Variants in TFCP2L1 observed in about 807,000 individuals in gnomAD.
TFCP2L1 encodes the protein transcription factor CP2-like protein 1.
TFCP2L1 carries 12 observed loss-of-function variants against 72.2 expected under a neutral mutation model. The ratio of observed to expected loss-of-function variants is 0.17; its 90% confidence interval spans 0.11 to 0.27. TFCP2L1 has a LOEUF of 0.27. Among genes scored for constraint, TFCP2L1 ranks in the 10% least tolerant of loss-of-function variants. TFCP2L1 has a pLI of 1.00. For missense variants in TFCP2L1, 488 were observed against 624.6 expected, an observed-to-expected ratio of 0.78 and a Z score of 2.33; for synonymous variants, 260 against 251.0, an observed-to-expected ratio of 1.04 and a Z score of -0.34.
intron 7 of TFCP2L1, chr2:121,240,830 G>A: frequency 6.2e-6 from 5 of 810,642 alleles, no homozygotes; most frequent in Non-Finnish European, 7.5e-6. Context: ...TCCTTTGCGG[G>A]CCGTGGGGGA....
At chr2:121,251,658 T>C (rs1273066829) in intron 2 of TFCP2L1, among the ~76,000 whole-genome samples, 1 of 152,140 alleles carries the variant, frequency 6.6e-6, no homozygotes, top group African/African-American at 2.4e-5. Flanking sequence ...TTCTAGAAAA[T>C]TGCTGACAGG....
intron 13 of TFCP2L1, among the ~76,000 whole-genome samples, chr2:121,228,904 G>C (rs1367470867): frequency 1.3e-5 from 2 of 149,990 alleles, no homozygotes; most frequent in Admixed American, 1.3e-4. Context: ...CGTGTTTGCT[G>C]CATGTTTTAA....
chr2:121,280,280 C>T (rs1687229439), intron 2 of TFCP2L1, among the ~76,000 whole-genome samples: 2 of 151,816 alleles, frequency 1.3e-5, no homozygotes, highest in African/African-American at 4.8e-5. Flanking sequence ...TCCCTCAGGA[C>T]ATGGTGAGGG....
chr2:121,264,629 G>A lies in TFCP2L1; in HGVS notation c.215-14982C>T, dbSNP rs1686893501. Among the ~76,000 whole-genome samples, 3 of 152,330 alleles carry A rather than the reference G, an allele frequency of 2.0e-5. No homozygotes were observed. In the South Asian group the frequency reaches 6.2e-4, roughly 32 times the overall value. On this transcript the variant is annotated intron_variant, in intron 2 of 14. Coordinates refer to ENST00000263707, the MANE Select transcript of TFCP2L1 (RefSeq NM_014553.3). ...GCTATCTGGCCACCAGGGCAGGGAT[G>A]CTGGTGGGCAGAGCTTGCAGAAGGC... is the stretch of plus-strand genomic sequence containing the variant.
intron 4 of TFCP2L1, among the ~76,000 whole-genome samples, chr2:121,248,655 C>T (rs1686539634): frequency 6.6e-6 from 1 of 152,164 alleles, no homozygotes; most frequent in Admixed American, 6.5e-5. Context: ...ATTCCATTTC[C>T]ATTGCCCATC....
chr2:121,261,316 G>A (rs997855717), intron 2 of TFCP2L1, among the ~76,000 whole-genome samples: 1 of 152,128 alleles, frequency 6.6e-6, no homozygotes, highest in Non-Finnish European at 1.5e-5. Context: ...GTTACTGGGG[G>A]CTCCTTAGAG....
chr2:121,237,484 C>T lies in TFCP2L1; in HGVS notation c.1003+139G>A, dbSNP rs115550202. On this transcript the variant is annotated intron_variant, in intron 10 of 14. Transcript: ENST00000263707. The stretch of plus-strand genomic sequence containing the variant: ...TTGGCCCAGGGTTGGGGCACGTGAG[C>T]GAGCGAACCCACACTATCTCGGGTC... The T allele has an allele frequency of 4.7e-4, 442 of 948,818 alleles. No homozygotes were observed. In the African/African-American group the frequency reaches 6.5e-3, roughly 14 times the overall value. 58.8% of individuals were successfully genotyped at this position (948,818 alleles called of 1,614,324 possible).
chr2:121,224,042 AG>A lies in TFCP2L1; in HGVS notation c.*298del. Reference sequence around the variant, plus strand: ...ACTAAGGGATGAGGGATTTCAGAGCAGACGTCTCCACTGTTTGCCCTTTTAG... The same window carrying A: ...ACTAAGGGATGAGGGATTTCAGAGCAACGTCTCCACTGTTTGCCCTTTTAG... On this transcript the variant is annotated 3_prime_UTR_variant, in exon 15 of 15. Transcript: ENST00000263707. 1 of 444,824 alleles carries A rather than the reference AG, an allele frequency of 2.2e-6. No homozygotes were observed. Among genetic ancestry groups the A allele is most frequent in the South Asian group, 3.0e-5 (1 of 32,904 alleles). 27.6% of individuals were successfully genotyped at this position (444,824 alleles called of 1,614,324 possible).
chr2:121,284,808 A>T (rs1180292747), intron 1 of TFCP2L1, among the ~76,000 whole-genome samples: 1 of 152,112 alleles, frequency 6.6e-6, no homozygotes, highest in Admixed American at 6.5e-5. Context: ...GAGCCCTCGC[A>T]GACATAGGGC....
At chr2:121,261,465 G>T (rs545528313) in intron 2 of TFCP2L1, among the ~76,000 whole-genome samples, 1 of 152,114 alleles carries the variant, frequency 6.6e-6, no homozygotes, top group Non-Finnish European at 1.5e-5. Flanking sequence ...AGGAGCTCTC[G>T]ATGGCCACAG....
chr2:121,226,287 T>C (rs1345947327), intron 13 of TFCP2L1, among the ~76,000 whole-genome samples: 5 of 150,852 alleles, frequency 3.3e-5, no homozygotes, highest in African/African-American at 1.2e-4. Flanking sequence ...AACAGAAACC[T>C]GAACATAACC....
intron 1 of TFCP2L1, among the ~76,000 whole-genome samples, 194 bp from the exon 2 acceptor site, chr2:121,281,465 G>A (rs764359578): frequency 5.3e-5 from 8 of 152,040 alleles, no homozygotes; most frequent in African/African-American, 1.2e-4. Flanking sequence ...CCGCTCCTTC[G>A]TGACTCTAGT....
chr2:121,234,361 G>A (rs1479759239), intron 11 of TFCP2L1, 167 bp from the exon 12 acceptor site: 3 of 623,570 alleles, frequency 4.8e-6, no homozygotes, highest in South Asian at 1.9e-5. Flanking sequence ...CCCAGGTCCC[G>A]CAGCCTGCCA....
At chr2:121,230,530 C>T (rs1012793268) in intron 13 of TFCP2L1, among the ~76,000 whole-genome samples, 2 of 152,116 alleles carry the variant, frequency 1.3e-5, no homozygotes, top group African/African-American at 4.8e-5. Flanking sequence ...CCTGTAATCC[C>T]AGCACTTTGG....
rs936889948 is a variant in TFCP2L1 at position 121,284,813 on chromosome 2, T to C, written c.62+235A>G. On this transcript the variant is annotated intron_variant, in intron 1 of 14. Coordinates refer to ENST00000263707, the MANE Select transcript of TFCP2L1 (RefSeq NM_014553.3). Reference sequence around the variant, plus strand: ...CGCCTGGGAGGAGCCCTCGCAGACATAGGGCTCTGCGCGCTCGCCTCCCCA... The same window carrying C: ...CGCCTGGGAGGAGCCCTCGCAGACACAGGGCTCTGCGCGCTCGCCTCCCCA... 2.6e-5 allele frequency among the ~76,000 whole-genome samples: 4 copies of C among 152,144 alleles called. No homozygotes were observed. In the East Asian group the frequency reaches 5.8e-4, roughly 22 times the overall value.
intron 2 of TFCP2L1, among the ~76,000 whole-genome samples, chr2:121,255,676 T>G (rs1686700633): frequency 6.6e-6 from 1 of 152,084 alleles, no homozygotes; most frequent in African/African-American, 2.4e-5. Flanking sequence ...ACCCAATGTT[T>G]CGTTCTTGCA....
chr2:121,284,971 C>T, intron 1 of TFCP2L1, 77 bp downstream of exon 1: 1 of 1,305,532 alleles, frequency 7.7e-7, no homozygotes, highest in South Asian at 1.7e-5. Flanking sequence ...GGCGCCCCCT[C>T]TCCGCCCCTG....
chr2:121,238,863 G>A (rs375479635), intron 8 of TFCP2L1, among the ~76,000 whole-genome samples: 4 of 152,020 alleles, frequency 2.6e-5, no homozygotes, highest in Admixed American at 6.6e-5. Flanking sequence ...AGACAATCTC[G>A]CTTTCTTATT....
At chr2:121,284,997 C>T in intron 1 of TFCP2L1, 51 bp downstream of exon 1, 1 of 1,426,482 alleles carries the variant, frequency 7.0e-7, no homozygotes, top group Non-Finnish European at 9.2e-7. Flanking sequence ...CCAACGGCGC[C>T]CGGCCCGCCG....
Sources: allele counts gnomAD v4.1 joint callset (sites outside exome capture counted in the v4.1 genomes callset), GRCh38; gene constraint gnomAD v4.1.1; transcripts MANE v1.5; gene names NCBI Gene and HGNC (gene_info 2026-07-23, HGNC 2026-07-21).